SCN1A: variants seen among roughly 807,000 people sequenced by gnomAD.
SCN1A encodes the protein sodium voltage-gated channel alpha subunit 1.
A neutral mutation model predicts 193.7 loss-of-function variants in SCN1A; 13 were observed. The observed-to-expected ratio is 0.07, with a 90% confidence interval of 0.04 to 0.11. SCN1A has a LOEUF of 0.11. SCN1A is among the 10% of genes least tolerant of loss of function. SCN1A has a pLI of 1.00. For missense variants in SCN1A, 1,432 were observed against 2,451.1 expected (o/e 0.58, Z 8.78); for synonymous variants, 781 against 843.6 (o/e 0.93, Z 1.29).
At position 165,992,651 on chromosome 2, in the gene SCN1A, A is replaced by T; in HGVS notation, c.4853-229T>A. ...GATTATAGTACTTTTTTTTATCTTT[A>T]AGAGATGTTTATAAACTACTTTTAG... is the stretch of plus-strand genomic sequence containing the variant. On this transcript the variant is annotated intron_variant, in intron 28 of 28. Coordinates refer to ENST00000674923, the MANE Select transcript of SCN1A (RefSeq NM_001165963.4). This position sits in a 1 kb window ranked among gnomAD's most constrained non-coding sequence, Gnocchi z 6.5. 4.8e-6 allele frequency: 1 copy of T among 208,730 alleles called. No individual in the cohort carries two copies. Among genetic ancestry groups the T allele is most frequent in the Non-Finnish European group, 9.1e-6 (1 of 110,252 alleles). The allele number at this position is 208,730 out of a possible 1,614,324, so 12.9% of individuals were successfully genotyped here. A position where few individuals can be genotyped will look rare whatever the true frequency, so the allele number is the denominator to read the frequency against.
intron 24 of SCN1A, among the ~76,000 whole-genome samples, chr2:166,000,648 T>G (rs1345737157): frequency 6.6e-6 from 1 of 151,728 alleles, no homozygotes; most frequent in African/African-American, 2.4e-5. Context: ...AGACAAAAGC[T>G]AAGCAAGGGT....
intron 2 of SCN1A, among the ~76,000 whole-genome samples, chr2:166,094,326 G>GT (rs1205935420): frequency 6.6e-6 from 1 of 152,170 alleles, no homozygotes; most frequent in Admixed American, 6.5e-5. Flanking sequence ...GTGGTTGAAA[G>GT]TGTCCTTTTA....
At chr2:166,136,254 T>C (rs534859504) in intron 1 of SCN1A, among the ~76,000 whole-genome samples, 3 of 152,278 alleles carry the variant, frequency 2.0e-5, no homozygotes, top group South Asian at 4.1e-4. Flanking sequence ...ACCCCTTTAA[T>C]TGACACATAG....
intron 2 of SCN1A, among the ~76,000 whole-genome samples, chr2:166,078,021 G>A (rs1574393926): frequency 6.6e-6 from 1 of 151,958 alleles, no homozygotes. Flanking sequence ...CAAAACTACA[G>A]AGACAATAAA....
At chr2:166,138,447 C>G (rs934215538) in intron 1 of SCN1A, among the ~76,000 whole-genome samples, 6 of 152,162 alleles carry the variant, frequency 3.9e-5, no homozygotes, top group African/African-American at 1.4e-4. Context: ...CTCAGCCATT[C>G]CAGCTATGGC....
At chr2:165,995,208 T>G (rs1204583780) in intron 27 of SCN1A, among the ~76,000 whole-genome samples, 1 of 151,850 alleles carries the variant, frequency 6.6e-6, no homozygotes, top group African/African-American at 2.4e-5. Flanking sequence ...ATTTCTACTC[T>G]TAGTGCTAAA....
Position 166,039,403 on chromosome 2 carries a change from C to CT in SCN1A, c.2589+19dup, listed in dbSNP as rs3032638. 1.6e-3 allele frequency: 2,440 copies of CT among 1,530,594 alleles called. 1 individual carries two copies. Among genetic ancestry groups the CT allele is most frequent in the African/African-American group, 3.3e-3 (230 of 70,754 alleles). 94.8% of individuals were successfully genotyped at this position (1,530,594 alleles called of 1,614,324 possible). On this transcript the variant is annotated intron_variant, in intron 17 of 28. Coordinates refer to ENST00000674923, the MANE Select transcript of SCN1A (RefSeq NM_001165963.4). ...GTTAGAAAGGTTTTTGAATTTGGTG[C>CT]TTTTTTTTTTTTTTTTTACCAATCG...
In SCN1A at chr2:166,148,517, C is replaced by A. The variant is rs530448704; in HGVS notation, c.-50+530G>T. ...ATCCACCCTCCTTCAGTGCTAGTGT[C>A]GAATGGCGCTTTTGCTGCAGTATTC... On this transcript the variant is annotated intron_variant, in intron 1 of 26. Transcript: ENST00000635750. Among the ~76,000 whole-genome samples the A allele has an allele frequency of 8.5e-5, 13 of 152,292 alleles. No homozygotes were observed. In the South Asian group the frequency reaches 2.7e-3, roughly 32 times the overall value.
intron 1 of SCN1A, among the ~76,000 whole-genome samples, chr2:166,137,342 G>T (rs1460667810): frequency 6.6e-6 from 1 of 152,128 alleles, no homozygotes; most frequent in Non-Finnish European, 1.5e-5. Context: ...CCTAGTATAT[G>T]GTAGTGTATG....
At chr2:166,093,191 G>A (rs542709201) in intron 2 of SCN1A, among the ~76,000 whole-genome samples, 24 of 151,098 alleles carry the variant, frequency 1.6e-4, no homozygotes, top group African/African-American at 5.3e-4. Context: ...ATCGGCCAAA[G>A]CAGAAAAAAA....
intron 20 of SCN1A, 145 bp from the exon 21 acceptor site, chr2:166,014,043 A>T (rs1019173721): frequency 3.2e-6 from 3 of 938,320 alleles, no homozygotes; most frequent in South Asian, 1.4e-5. Flanking sequence ...GTAAGAGCAC[A>T]TTCATCAGCT....
intron 2 of SCN1A, among the ~76,000 whole-genome samples, chr2:166,118,302 C>CTT (rs61002916): frequency 0.23 from 18,268 of 80,454 alleles, 7,494 homozygotes; most frequent in East Asian, 0.34. Context: ...TATTTAGTTT[C>CTT]TTTTTTTTTT....
chr2:166,015,737 A>G lies in SCN1A; in HGVS notation c.3430-10T>C. The G allele has an allele frequency of 6.2e-7, 1 of 1,612,372 alleles. No individual in the cohort carries two copies. Among genetic ancestry groups the G allele is most frequent in the Non-Finnish European group, 8.5e-7 (1 of 1,178,638 alleles). ...TGCTTTCATTCAGTTTCTGTAAGTG[A>G]GATGGACATAGAAAGTAAAGTCCTT... is the stretch of plus-strand genomic sequence containing the variant. On this transcript the variant is annotated splice_polypyrimidine_tract_variant and intron_variant, in intron 19 of 28. Coordinates refer to ENST00000674923, the MANE Select transcript of SCN1A (RefSeq NM_001165963.4).
At chr2:166,130,663 T>G (rs1260369541), upstream of SCN1A, among the ~76,000 whole-genome samples, 1 of 152,186 alleles carries the variant, frequency 6.6e-6, no homozygotes, top group Non-Finnish European at 1.5e-5. Context: ...TTGAAAGCAT[T>G]GAGCATAAGG....
intron 4 of SCN1A, among the ~76,000 whole-genome samples, chr2:166,069,479 A>G (rs1397545303): frequency 1.3e-5 from 2 of 152,208 alleles, no homozygotes; most frequent in African/African-American, 2.4e-5. Flanking sequence ...ATGTGGGCAT[A>G]TGCCATTGGA....
At chr2:166,063,307 G>C (rs890225082) in intron 4 of SCN1A, among the ~76,000 whole-genome samples, 1 of 151,962 alleles carries the variant, frequency 6.6e-6, no homozygotes, top group African/African-American at 2.4e-5. Context: ...CTTATTTGCA[G>C]GAATGTAACA....
intron 2 of SCN1A, among the ~76,000 whole-genome samples, chr2:166,111,199 T>C (rs1423907550): frequency 6.6e-6 from 1 of 152,150 alleles, no homozygotes; most frequent in Admixed American, 6.5e-5. Flanking sequence ...AAGTCAATGC[T>C]TGGCTTTAAA....
chr2:166,050,860 G>C (rs1467981385), intron 9 of SCN1A, among the ~76,000 whole-genome samples: 1 of 150,592 alleles, frequency 6.6e-6, no homozygotes, highest in Non-Finnish European at 1.5e-5. Context: ...TTAAATATAA[G>C]AATAAGATTT....
intron 1 of SCN1A, among the ~76,000 whole-genome samples, chr2:166,141,741 TTTC>T (rs1419221913): frequency 2.2e-5 from 2 of 90,494 alleles, no homozygotes; most frequent in African/African-American, 7.6e-5. Context: ...CTTTTTTTTT[TTTC>T]TATTTCAAAC....
Sources: gnomAD v4.1 joint callset for allele counts (sites outside exome capture counted in the v4.1 genomes callset) on GRCh38, gnomAD v4.1.1 for gene constraint, Gnocchi (gnomAD v3.1) non-coding constraint, MANE v1.5 for transcripts, NCBI Gene and HGNC (gene_info 2026-07-23, HGNC 2026-07-21) for gene names.